The following ADAM33 variants were observed in gnomAD, a reference collection of about 807,000 sequenced individuals.
ADAM33 encodes the protein ADAM metallopeptidase domain 33.
Under a neutral mutation model 106.2 loss-of-function variants are expected in ADAM33, and 103 were observed. The ratio of observed to expected loss-of-function variants is 0.97; its 90% CI spans 0.83 to 1.14. ADAM33 has a LOEUF of 1.14. Among genes scored for constraint, ADAM33 ranks in the 50% most tolerant of loss-of-function variants. ADAM33 has a pLI of 0.00. For missense variants in ADAM33, 1,120 were observed against 1,096.6 expected, an observed-to-expected ratio of 1.02 and a Z score of -0.30; for synonymous variants, 483 against 453.0, an observed-to-expected ratio of 1.07 and a Z score of -0.84.
chr20:3,681,556 A>G (rs2088496172), intron 1 of ADAM33, among the ~76,000 whole-genome samples: 1 of 151,852 alleles, frequency 6.6e-6, no homozygotes, highest in South Asian at 2.1e-4. Flanking sequence ...TGGCCTGCGG[A>G]TGGAAGCTGG....
rs377229169 is a variant in ADAM33 at position 3,674,023 on chromosome 20, G to A, written c.738+41C>T. 38 of 1,612,682 alleles carry A rather than the reference G, an allele frequency of 2.4e-5. No individual in the cohort carries two copies. In the African/African-American group the frequency reaches 3.9e-4, roughly 16 times the overall value. ...CCCACCAGCACCTGCCTGTCCTGCC[G>A]CCGCCACCCCCATCACCGCTCTCTC... On this transcript the variant is annotated intron_variant, in intron 8 of 21. Coordinates refer to ENST00000356518, the MANE Select transcript of ADAM33 (RefSeq NM_025220.5).
At position 3,677,643 on chromosome 20, in the gene ADAM33, C is replaced by G. The variant is rs552011087; in HGVS notation, c.178-500G>C. Among the ~76,000 whole-genome samples the G allele has an allele frequency of 5.3e-5, 8 of 152,348 alleles. No homozygotes were observed. In the East Asian group the frequency reaches 1.5e-3, roughly 29 times the overall value. ...TTGACTCCTCCACTTCCAATTTTGG[C>G]AAACTGCTCCCTCTTCCAAAGTTTT... On this transcript the variant is annotated intron_variant, in intron 2 of 21. Transcript: ENST00000356518.
In ADAM33 at chr20:3,672,179, C is replaced by A. The variant is rs761895855; in HGVS notation, c.1552G>T (p.Ala518Ser). Reference sequence around the variant, plus strand: ...CACTGCTGCTCCAGCGTGGGACATGCGCCATCCCAGCAGTAGCCACTGCCC... The same window carrying A: ...CACTGCTGCTCCAGCGTGGGACATGAGCCATCCCAGCAGTAGCCACTGCCC... ...ARGSGYCWDGACPTLEQQCQQ... is the reference protein window; with the variant it reads ...ARGSGYCWDGSCPTLEQQCQQ... Residue 518 changes from alanine to serine, a missense_variant, in exon 14 of 22, where the codon GCA becomes TCA. Coordinates refer to ENST00000356518, the MANE Select transcript of ADAM33 (RefSeq NM_025220.5). 4.3e-6 allele frequency: 7 copies of A among 1,613,044 alleles called. No individual in the cohort carries two copies. The South Asian group carries it at 7.7e-5, about 18-fold the overall frequency.
chr20:3,671,916 C>G lies in ADAM33; in HGVS notation c.1667G>C (p.Gly556Ala). Reference protein sequence around the residue: ...NSAGDAHGNCGQDSEGHFLPC... With the variant: ...NSAGDAHGNCAQDSEGHFLPC... ...CAGGAAGTGGCCCTCGCTGTCCTGG[C>G]CGCAGTTTCCATGAGCATCTCCCGC... The change falls in exon 15 of 22, where the codon GGC becomes GCC. Residue 556 changes from glycine to alanine, a missense_variant. Transcript: ENST00000356518. 1 of 1,555,038 alleles carries G rather than the reference C, an allele frequency of 6.4e-7. No individual in the cohort carries two copies. Among genetic ancestry groups the G allele is most frequent in the Non-Finnish European group, 8.7e-7 (1 of 1,148,762 alleles).
At chr20:3,669,043 C>T (rs768485706) in intron 21 of ADAM33, 43 bp from the exon 22 acceptor site, 3 of 1,608,058 alleles carry the variant, frequency 1.9e-6, no homozygotes, top group African/African-American at 1.3e-5. Context: ...GACTGGGGCC[C>T]CAGGCTGCAA....
intron 1 of ADAM33, 119 bp from the exon 2 acceptor site, chr20:3,679,690 G>A (rs1021368598): frequency 9.4e-5 from 78 of 830,568 alleles, no homozygotes; most frequent in Non-Finnish European, 1.9e-5. Flanking sequence ...TTTTGGGGCA[G>A]ACTTCACCTT....
chr20:3,677,982 A>G (rs1055604128), intron 2 of ADAM33, among the ~76,000 whole-genome samples: 2 of 152,198 alleles, frequency 1.3e-5, no homozygotes, highest in Admixed American at 1.3e-4. Flanking sequence ...CCAAAAATGC[A>G]CTGGCCTGGG....
At chr20:3,681,849 C>G (rs993706804) in intron 1 of ADAM33, 59 bp downstream of exon 1, 2 of 1,565,462 alleles carry the variant, frequency 1.3e-6, no homozygotes, top group African/African-American at 1.4e-5. Flanking sequence ...AGAACCCATC[C>G]CCGCCACCAC....
At position 3,672,230 on chromosome 20, in the gene ADAM33, G is replaced by T; in HGVS notation, c.1501C>A (p.Leu501Ile). Reference sequence around the variant, plus strand: ...CTGGCACAGGGTGAGCCGTCCAGTAGGTAAACGTCTGGGGGACAGTGGGAG... The same window carrying T: ...CTGGCACAGGGTGAGCCGTCCAGTATGTAAACGTCTGGGGGACAGTGGGAG... ...TSSHCPPDVY[L>I]LDGSPCARGS... The change falls in exon 14 of 22, where the codon CTA becomes ATA. Residue 501 changes from leucine to isoleucine, a missense_variant. Transcript: ENST00000356518. 1 of 1,613,454 alleles carries T rather than the reference G, an allele frequency of 6.2e-7. No individual in the cohort carries two copies.
At chr20:3,673,948 C>A (rs762237936) in intron 8 of ADAM33, 37 bp from the exon 9 acceptor site, 20 of 1,576,322 alleles carry the variant, frequency 1.3e-5, no homozygotes, top group Non-Finnish European at 1.6e-5. Context: ...GGACAGGGCG[C>A]CCCATCGCGC....
chr20:3,681,927 T>C lies in ADAM33; in HGVS notation c.78A>G (p.Pro26=). 1 of 1,587,326 alleles carries C rather than the reference T, an allele frequency of 6.3e-7. No homozygotes were observed. The highest frequency in any genetic ancestry group is 2.4e-5 in the East Asian group (1 of 42,530). The change falls in exon 1 of 22, where the codon CCA becomes CCG. Residue 26 remains proline, a synonymous_variant. Transcript: ENST00000356518. ...CCTCACCTTGAAGCACCCCGGCGCC[T>C]GGCACTGGCCAGAGCAGCAGCAGTA... ...LLLLLLLWPV[P]GAGVLQGHIP... is the part of the protein sequence containing the mutation.
intron 2 of ADAM33, among the ~76,000 whole-genome samples, chr20:3,678,078 G>T (rs1158523654): frequency 6.6e-6 from 1 of 152,248 alleles, no homozygotes; most frequent in African/African-American, 2.4e-5. Context: ...CTGGCCACAG[G>T]CCCCACAAGG....
At chr20:3,670,951 C>T (rs1350256130) in intron 19 of ADAM33, 55 bp downstream of exon 19, 24 of 1,502,700 alleles carry the variant, frequency 1.6e-5, no homozygotes, top group East Asian at 1.2e-4. Context: ...CCCAGCAGAG[C>T]TCTGAGGAGG....
rs894054181 is a variant in ADAM33 at position 3,672,122 on chromosome 20, G to C, written c.1597+12C>G. The C allele has an allele frequency of 6.2e-6, 10 of 1,606,182 alleles. No homozygotes were observed. In the Admixed American group the frequency reaches 6.7e-5, roughly 11 times the overall value. ...TGGGGGGCAGGGTGCAAGGGTGCTC[G>C]TGTCCTCTCACCAGGCCCCCAGAGC... On this transcript the variant is annotated intron_variant, in intron 14 of 21. Transcript: ENST00000356518.
At position 3,675,350 on chromosome 20, in the gene ADAM33, C is replaced by T. The variant is rs934132439; in HGVS notation, c.255-245G>A. On this transcript the variant is annotated intron_variant, in intron 3 of 21. Coordinates refer to ENST00000356518, the MANE Select transcript of ADAM33 (RefSeq NM_025220.5). This position sits in a 1 kb window ranked among gnomAD's most constrained non-coding sequence, Gnocchi z 4.1. Reference sequence around the variant, plus strand: ...TGAATATGGGAAGCACCAGGGAGGACGCCGGGGAGGAGTGGGAATAGGGGA... The same window carrying T: ...TGAATATGGGAAGCACCAGGGAGGATGCCGGGGAGGAGTGGGAATAGGGGA... 7.9e-5 allele frequency among the ~76,000 whole-genome samples: 12 copies of T among 152,182 alleles called. No homozygotes were observed. Among genetic ancestry groups the T allele is most frequent in the East Asian group, 1.9e-4 (1 of 5,172 alleles).
chr20:3,671,136 G>T lies in ADAM33; in HGVS notation c.2110C>A (p.Leu704Met). ...VQAENHDTFL[L>M]AMLLSVLLPL... ...AGCAGGACGCTGAGGAGCATGGCCA[G>T]CAGGAAGGTGTCATGGTCTGCGGGG... The change falls in exon 19 of 22, where the codon CTG becomes ATG. Residue 704 changes from leucine (L) to methionine (M), a missense_variant. Leu to Met is a conservative substitution (Grantham distance 15, BLOSUM62 2). Transcript: ENST00000356518. 1 of 1,611,696 alleles carries T rather than the reference G, an allele frequency of 6.2e-7. No individual in the cohort carries two copies. The highest frequency in any genetic ancestry group is 8.5e-7 in the Non-Finnish European group (1 of 1,179,062).
chr20:3,677,490 G>A (rs2088078539), intron 2 of ADAM33, among the ~76,000 whole-genome samples: 1 of 152,198 alleles, frequency 6.6e-6, no homozygotes, highest in Admixed American at 6.5e-5. Flanking sequence ...CAAAAGCAGG[G>A]GAAGACAGAG....
intron 19 of ADAM33, chr20:3,669,902 T>C: frequency 3.2e-6 from 1 of 312,066 alleles, no homozygotes; most frequent in Non-Finnish European, 5.9e-6. Flanking sequence ...GACAGCAGCC[T>C]GGCACTCTCC....
At chr20:3,680,451 T>C in intron 1 of ADAM33, among the ~76,000 whole-genome samples, 1 of 152,328 alleles carries the variant, frequency 6.6e-6, no homozygotes, top group East Asian at 1.9e-4. Context: ...CAGCTCCTGC[T>C]AGGCCACCCC....
Sources: allele counts gnomAD v4.1 joint callset (sites outside exome capture counted in the v4.1 genomes callset), GRCh38; gene constraint gnomAD v4.1.1; non-coding constraint Gnocchi (gnomAD v3.1); transcripts MANE v1.5; gene names NCBI Gene and HGNC (gene_info 2026-07-23, HGNC 2026-07-21).